The following ASNS variants were observed in gnomAD, a reference collection of about 807,000 sequenced individuals.
ASNS encodes asparagine synthetase [glutamine-hydrolyzing].
ASNS carries 37 observed loss-of-function variants against 62.6 expected under a neutral mutation model. The ratio of observed to expected loss-of-function variants is 0.59; its 90% CI spans 0.45 to 0.78. The LOEUF (loss-of-function observed/expected upper bound fraction) is 0.78, where lower values mean the gene tolerates loss of function less well. Ranked by LOEUF, ASNS falls within the 30% of genes least tolerant of loss-of-function variation. ASNS has a pLI of 0.00. For missense variants in ASNS, 520 were observed against 682.4 expected (o/e 0.76, Z 2.65); for synonymous variants, 207 against 237.9 (o/e 0.87, Z 1.19).
At chr7:97,890,311 C>T in the ASNS span, among the ~76,000 whole-genome samples, 4 of 152,076 alleles carry the variant, frequency 2.6e-5, no homozygotes, top group African/African-American at 9.7e-5. Flanking sequence ...TTCCTGAATG[C>T]TTCCAAATGC....
chr7:97,852,930 A>C (rs1175627325), intron 12 of ASNS, 130 bp downstream of exon 12: 1 of 846,736 alleles, frequency 1.2e-6, no homozygotes, highest in Non-Finnish European at 1.7e-6. Flanking sequence ...TGTATGTATC[A>C]TTCAAACTAA....
At chr7:97,886,629 A>G in the ASNS span, among the ~76,000 whole-genome samples, 2 of 152,064 alleles carry the variant, frequency 1.3e-5, no homozygotes, top group African/African-American at 4.8e-5. Context: ...TGAAAATAAA[A>G]TTGCCAACTC....
the ASNS span, among the ~76,000 whole-genome samples, chr7:97,897,402 G>T: frequency 6.6e-6 from 1 of 152,172 alleles, no homozygotes; most frequent in Non-Finnish European, 1.5e-5. Context: ...ATTGACAAAT[G>T]GGATCTAATT....
At chr7:97,854,834 A>C in intron 9 of ASNS, 154 bp from the exon 10 acceptor site, 1 of 1,356,768 alleles carries the variant, frequency 7.4e-7, no homozygotes, top group South Asian at 1.4e-5. Flanking sequence ...AATGCTTCAC[A>C]AAACATGCCT....
Position 97,859,263 on chromosome 7 carries a change from C to T in ASNS, c.623G>A (p.Arg208Gln), listed in dbSNP as rs201916212. Residue 208 changes from arginine to glutamine, a missense_variant, in exon 5 of 13, where the codon CGG becomes CAG. Physicochemically the swap from Arg to Gln is conservative, Grantham distance 43. Transcript: ENST00000394308. ...ATAGAGGGCGTGCAGGGGTACATCC[C>T]GACAGTGATGATATTTAACCATTTC... ...SVEMVKYHHCRDVPLHALYDN... is the reference protein window; with the variant it reads ...SVEMVKYHHCQDVPLHALYDN... 6.2e-6 allele frequency: 10 copies of T among 1,614,036 alleles called. No individual in the cohort carries two copies. The highest frequency in any genetic ancestry group is 1.3e-5 in the African/African-American group (1 of 75,022).
At chr7:97,914,433 C>T in the ASNS span, among the ~76,000 whole-genome samples, 1 of 152,146 alleles carries the variant, frequency 6.6e-6, no homozygotes, top group Non-Finnish European at 1.5e-5. Flanking sequence ...ACAACTAGTG[C>T]AAATTACAGC....
the ASNS span, among the ~76,000 whole-genome samples, chr7:97,921,922 C>T: frequency 6.6e-6 from 1 of 152,184 alleles, no homozygotes; most frequent in African/African-American, 2.4e-5. Flanking sequence ...AGTGTACATA[C>T]ACAATGGAAT....
Position 97,868,519 on chromosome 7 carries a change from A to G in ASNS, c.249+389T>C, listed in dbSNP as rs113968363. Among the ~76,000 whole-genome samples the G allele has an allele frequency of 6.5e-3, 799 of 122,988 alleles. 7 individuals are homozygous for G. Among genetic ancestry groups the G allele is most frequent in the African/African-American group, 0.015 (487 of 33,494 alleles). 80.7% of individuals were successfully genotyped at this position (122,988 alleles called of 152,430 possible). On this transcript the variant is annotated intron_variant, in intron 3 of 12. Coordinates refer to ENST00000394308, the MANE Select transcript of ASNS (RefSeq NM_001673.5). ...TACTCTCAAATGATTCAGCAAAAAC[A>G]TGTGTGTGTGTGTGTGTGTGTGTGT...
the ASNS span, among the ~76,000 whole-genome samples, chr7:97,922,032 A>G: frequency 6.6e-6 from 1 of 152,218 alleles, no homozygotes; most frequent in Non-Finnish European, 1.5e-5. Context: ...GCACAAAACG[A>G]CAAATACCAC....
upstream of ASNS, among the ~76,000 whole-genome samples, chr7:97,874,775 C>T (rs1276667139): frequency 5.8e-4 from 89 of 152,380 alleles, no homozygotes; most frequent in Middle Eastern, 6.8e-3. Context: ...TACAGATGAG[C>T]TTAAATACTT....
At position 97,855,605 on chromosome 7, in the gene ASNS, T is replaced by G. The variant is rs112538816; in HGVS notation, c.1031-146A>C. ...AAAGTAGTTTCCACAATAATGACCT[T>G]GTATTTATAAGCCATTTATATGTAC... On this transcript the variant is annotated intron_variant, in intron 8 of 12. Transcript: ENST00000394308. 7.4e-4 allele frequency: 382 copies of G among 513,502 alleles called. 1 individual carries two copies. Among genetic ancestry groups the G allele is most frequent in the African/African-American group, 6.7e-3 (355 of 53,248 alleles). 31.8% of individuals were successfully genotyped at this position (513,502 alleles called of 1,614,324 possible). A position where few individuals can be genotyped will look rare whatever the true frequency, so the allele number is the denominator to read the frequency against.
the ASNS span, among the ~76,000 whole-genome samples, chr7:97,927,249 G>GAACAA: frequency 2.0e-5 from 3 of 152,060 alleles, no homozygotes; most frequent in Admixed American, 6.5e-5. Context: ...ATGCACCCCA[G>GAACAA]AACAAAACAT....
the ASNS span, among the ~76,000 whole-genome samples, chr7:97,890,876 G>T: frequency 4.3e-4 from 66 of 152,246 alleles, no homozygotes; most frequent in African/African-American, 1.5e-3. Context: ...GGAAGCAAAA[G>T]AACAATATCT....
Position 97,864,428 on chromosome 7 carries a change from G to A in ASNS, c.318C>T (p.Asp106=). ...AAATTGTTTGCTCAATTCCTCCTTT[G>A]TCATAAAGATGAAGGATTATCTCAC... ...VDGEIILHLY[D]KGGIEQTICM... The change falls in exon 4 of 13, where the codon GAC becomes GAT. Residue 106 remains aspartate, a synonymous_variant. Transcript: ENST00000394308. 1 of 1,613,902 alleles carries A rather than the reference G, an allele frequency of 6.2e-7. No individual in the cohort carries two copies. Among genetic ancestry groups the A allele is most frequent in the Non-Finnish European group, 8.5e-7 (1 of 1,179,900 alleles).
At chr7:97,854,975 C>CTTT (rs71532083) in intron 9 of ASNS, 30 of 244,524 alleles carry the variant, frequency 1.2e-4, no homozygotes, top group East Asian at 3.3e-4. Context: ...TTATTTTTAA[C>CTTT]TTTTTTTTTT....
the ASNS span, among the ~76,000 whole-genome samples, chr7:97,909,294 CTTTTTTTTTTTTT>C: frequency 4.1e-5 from 3 of 72,620 alleles, no homozygotes; most frequent in Non-Finnish European, 2.5e-5. Context: ...CTCACATACA[CTTTTTTTTTTTTT>C]TTTTTTTTTT....
the ASNS span, among the ~76,000 whole-genome samples, chr7:97,924,142 A>G: frequency 6.6e-6 from 1 of 152,076 alleles, no homozygotes; most frequent in Admixed American, 6.6e-5. Context: ...GCACTCCACA[A>G]GTACTCCCAG....
At chr7:97,887,535 T>C in the ASNS span, among the ~76,000 whole-genome samples, 2 of 152,336 alleles carry the variant, frequency 1.3e-5, no homozygotes, top group African/African-American at 4.8e-5. Flanking sequence ...TTAATCTGTA[T>C]GACCAAAAAC....
At chr7:97,913,532 T>C in the ASNS span, among the ~76,000 whole-genome samples, 3 of 152,120 alleles carry the variant, frequency 2.0e-5, no homozygotes, top group African/African-American at 7.2e-5. Context: ...CTAATCTCTA[T>C]TGAGTGTCGA....
Sources: allele counts gnomAD v4.1 joint callset (sites outside exome capture counted in the v4.1 genomes callset), GRCh38; gene constraint gnomAD v4.1.1; transcripts MANE v1.5; gene names NCBI Gene and HGNC (gene_info 2026-07-23, HGNC 2026-07-21).